Variants in CDH13 observed in about 807,000 individuals in gnomAD.
CDH13 encodes the protein cadherin-13.
A neutral mutation model predicts 63.8 loss-of-function variants in CDH13; 24 were observed. The ratio of observed to expected loss-of-function variants is 0.38; its 90% CI spans 0.27 to 0.53. CDH13 has a LOEUF of 0.53. Among genes scored for constraint, CDH13 ranks in the 20% least tolerant of loss-of-function variants. The pLI is 0.85. For synonymous variants in CDH13, 503 were observed against 355.3 expected (o/e 1.42, Z -4.67); for missense variants, 1,049 against 903.1 (o/e 1.16, Z -2.07).
chr16:83,711,471 T>G (rs576363354), intron 10 of CDH13, among the ~76,000 whole-genome samples: 4 of 152,138 alleles, frequency 2.6e-5, no homozygotes, highest in Admixed American at 6.6e-5. Flanking sequence ...TGTGTGGTTG[T>G]TTGTTTGTTT....
At chr16:83,212,526 G>T (rs550487896) in intron 4 of CDH13, among the ~76,000 whole-genome samples, 1 of 152,164 alleles carries the variant, frequency 6.6e-6, no homozygotes, top group East Asian at 1.9e-4. Flanking sequence ...AACCAACTCT[G>T]CTTTCTGAGG....
chr16:83,196,109 A>C (rs2038871413), intron 4 of CDH13, among the ~76,000 whole-genome samples: 1 of 152,188 alleles, frequency 6.6e-6, no homozygotes, highest in African/African-American at 2.4e-5. Context: ...TACAAAAATT[A>C]GCCAGGCTTG....
At chr16:82,664,834 C>A (rs1429858394) in intron 1 of CDH13, among the ~76,000 whole-genome samples, 3 of 152,088 alleles carry the variant, frequency 2.0e-5, no homozygotes, top group Admixed American at 1.3e-4. Context: ...ATATTTGATA[C>A]AGATATTGGT....
intron 1 of CDH13, among the ~76,000 whole-genome samples, chr16:82,755,403 T>G (rs535397193): frequency 6.6e-6 from 1 of 152,158 alleles, no homozygotes; most frequent in East Asian, 1.9e-4. Context: ...TTTGGGAAGA[T>G]TAGAAAAGGG....
Position 83,755,593 on chromosome 16 carries a change from A to C in CDH13, c.1681+7343A>C, listed in dbSNP as rs139012787. Among the ~76,000 whole-genome samples, 446 of 152,338 alleles carry C rather than the reference A, an allele frequency of 2.9e-3. 6 individuals are homozygous for C. The highest frequency in any genetic ancestry group is 0.01 in the African/African-American group (433 of 41,572). On this transcript the variant is annotated intron_variant, in intron 11 of 13. Coordinates refer to ENST00000567109, the MANE Select transcript of CDH13 (RefSeq NM_001257.5). ...AGGCATTTACCTGCAAATGAGCTAC[A>C]ATATGACTTATGGCTGACTTCTAGA...
chr16:82,650,874 C>A (rs1258548277), intron 1 of CDH13, among the ~76,000 whole-genome samples: 1 of 152,180 alleles, frequency 6.6e-6, no homozygotes, highest in Non-Finnish European at 1.5e-5. Context: ...TGGGGCAGGG[C>A]AGTAAACAGT....
chr16:83,489,962 G>C (rs1219026567), intron 7 of CDH13, among the ~76,000 whole-genome samples: 4 of 151,578 alleles, frequency 2.6e-5, no homozygotes, highest in Non-Finnish European at 2.9e-5. Context: ...TGAATATAGT[G>C]ATTCCAGTTC....
chr16:82,738,566 T>G (rs16958414), intron 1 of CDH13, among the ~76,000 whole-genome samples: 23,386 of 152,242 alleles, frequency 0.15, 2,207 homozygotes, highest in Middle Eastern at 0.21. Context: ...CTTTTCTTAA[T>G]GCACTTTTAC....
chr16:83,707,258 T>G (rs916092229), intron 10 of CDH13, among the ~76,000 whole-genome samples: 2 of 152,220 alleles, frequency 1.3e-5, no homozygotes, highest in Non-Finnish European at 2.9e-5. Flanking sequence ...TTTCAAATAC[T>G]GCATGGTCCG....
chr16:82,982,355 G>A (rs755778342), intron 2 of CDH13, among the ~76,000 whole-genome samples: 4 of 151,924 alleles, frequency 2.6e-5, no homozygotes, highest in Non-Finnish European at 5.9e-5. Context: ...TCCTATTGTT[G>A]TATTAAAAAA....
intron 2 of CDH13, among the ~76,000 whole-genome samples, chr16:82,982,234 C>T (rs1235201112): frequency 1.3e-5 from 2 of 151,922 alleles, no homozygotes; most frequent in East Asian, 1.9e-4. Flanking sequence ...ATAAGAATTT[C>T]TTCTTATTTT....
At chr16:83,152,162 C>T (rs995647821) in intron 4 of CDH13, among the ~76,000 whole-genome samples, 1 of 152,178 alleles carries the variant, frequency 6.6e-6, no homozygotes, top group African/African-American at 2.4e-5. Flanking sequence ...AATACATACT[C>T]AAAACTGTGG....
chr16:83,191,491 A>G (rs1176924026), intron 4 of CDH13, among the ~76,000 whole-genome samples: 132 of 82,608 alleles, frequency 1.6e-3, no homozygotes, highest in Middle Eastern at 6.0e-3. Context: ...ATATATATGC[A>G]CATATATATA....
intron 2 of CDH13, among the ~76,000 whole-genome samples, chr16:83,027,650 C>G (rs941164774): frequency 1.3e-5 from 2 of 152,136 alleles, no homozygotes; most frequent in East Asian, 3.9e-4. Context: ...AAAAGCTGGT[C>G]TTATAGTTGC....
intron 11 of CDH13, among the ~76,000 whole-genome samples, chr16:83,749,361 G>T (rs1187660068): frequency 2.0e-5 from 3 of 152,126 alleles, no homozygotes; most frequent in Non-Finnish European, 4.4e-5. Flanking sequence ...CAAAATAAAG[G>T]TGAGCCTTGG....
Position 82,712,678 on chromosome 16 carries a change from G to A in CDH13, c.45+85541G>A, listed in dbSNP as rs368697214. Among the ~76,000 whole-genome samples the A allele has an allele frequency of 1.6e-4, 25 of 152,122 alleles. No individual in the cohort carries two copies. The East Asian group carries it at 2.7e-3, about 16-fold the overall frequency. ...TAATTCCCCTGCCCCTTTTGTTTTC[G>A]TCAGGCCCCCTGAAGCCGCAGCTGA... On this transcript the variant is annotated intron_variant, in intron 1 of 13. Coordinates refer to ENST00000567109, the MANE Select transcript of CDH13 (RefSeq NM_001257.5).
chr16:83,314,610 A>G (rs1037297229), intron 5 of CDH13, among the ~76,000 whole-genome samples: 8 of 152,136 alleles, frequency 5.3e-5, no homozygotes, highest in African/African-American at 1.4e-4. Flanking sequence ...CAAGCCCACA[A>G]CTTCATATGG....
At chr16:83,171,297 A>C (rs2037906135) in intron 4 of CDH13, among the ~76,000 whole-genome samples, 1 of 151,936 alleles carries the variant, frequency 6.6e-6, no homozygotes, top group Admixed American at 6.6e-5. Flanking sequence ...TCTTGTGAGA[A>C]CTCTATCATG....
chr16:83,607,366 G>A (rs1908442511), intron 8 of CDH13, among the ~76,000 whole-genome samples: 1 of 152,046 alleles, frequency 6.6e-6, no homozygotes, highest in African/African-American at 2.4e-5. Flanking sequence ...GTTGCAGTGA[G>A]CTGAGATCAC....
Sources: gnomAD v4.1 joint callset for allele counts (sites outside exome capture counted in the v4.1 genomes callset) on GRCh38, gnomAD v4.1.1 for gene constraint, MANE v1.5 for transcripts, NCBI Gene and HGNC (gene_info 2026-07-23, HGNC 2026-07-21) for gene names.